Variants in INPP5K observed in about 807,000 individuals in gnomAD.
The protein encoded by INPP5K is inositol polyphosphate 5-phosphatase K.
Under a neutral mutation model 53.5 loss-of-function variants are expected in INPP5K, and 35 were observed. That is an observed-to-expected ratio of 0.65 (90% CI 0.50 to 0.87). The LOEUF is 0.87. Ranked by LOEUF, INPP5K falls within the 40% of genes least tolerant of loss-of-function variation. The probability of loss-of-function intolerance (pLI) is 0.00; values close to 1 mark genes in which losing one functional copy is unlikely to be tolerated. For missense variants in INPP5K, 550 were observed against 586.2 expected (o/e 0.94, Z 0.64); for synonymous variants, 253 against 232.8 (o/e 1.09, Z -0.79).
intron 11 of INPP5K, 68 bp downstream of exon 11, chr17:1,495,992 T>C (rs1598357007): frequency 7.1e-7 from 1 of 1,417,806 alleles, no homozygotes; most frequent in South Asian, 1.2e-5. Flanking sequence ...CTCCCAGGCC[T>C]GGGCCTCAGG....
intron 3 of INPP5K, 39 bp downstream of exon 3, chr17:1,513,414 A>G: frequency 1.3e-6 from 2 of 1,502,854 alleles, no homozygotes; most frequent in Non-Finnish European, 1.9e-6. Context: ...TGGAGATGTG[A>G]AAACACAGTT....
At position 1,513,433 on chromosome 17, in the gene INPP5K, C is replaced by T; in HGVS notation, c.261+20G>A. ...GATGTGAAAACACAGTTGTCAAGTG[C>T]CAATGAACTGGCAAGTTACCTTGAT... On this transcript the variant is annotated intron_variant, in intron 3 of 11. Coordinates refer to ENST00000421807, the MANE Select transcript of INPP5K (RefSeq NM_016532.4). 2 of 1,588,106 alleles carry T rather than the reference C, an allele frequency of 1.3e-6. No individual in the cohort carries two copies. The highest frequency in any genetic ancestry group is 2.2e-5 in the South Asian group (2 of 90,548).
chr17:1,505,869 T>A (rs1039692693), intron 7 of INPP5K, among the ~76,000 whole-genome samples: 3 of 152,162 alleles, frequency 2.0e-5, no homozygotes, highest in African/African-American at 7.2e-5. Context: ...AAGGGGCTCT[T>A]CTTTTCTTCA....
chr17:1,508,364 C>T (rs2075215400), intron 5 of INPP5K, 138 bp from the exon 6 acceptor site: 2 of 699,036 alleles, frequency 2.9e-6, no homozygotes, highest in Admixed American at 2.1e-5. Flanking sequence ...CCAGGGCACG[C>T]GTGGGTCCTC....
At chr17:1,509,636 T>C (rs777767152) in intron 4 of INPP5K, 47 bp downstream of exon 4, 4 of 1,250,426 alleles carry the variant, frequency 3.2e-6, no homozygotes, top group Non-Finnish European at 4.7e-6. Context: ...GCTCCACAGT[T>C]CCCAGCCCTT....
chr17:1,506,721 G>C (rs1161995969), intron 7 of INPP5K, among the ~76,000 whole-genome samples: 1 of 152,008 alleles, frequency 6.6e-6, no homozygotes, highest in East Asian at 1.9e-4. Context: ...CCTCTCCTCT[G>C]GTTCTATCTG....
Position 1,509,068 on chromosome 17 carries a change from C to T in INPP5K, c.554+110G>A, listed in dbSNP as rs900544003. ...ACCCAGGCTCACTCGTGGGGGTCAGCGTGGGGCAGAGGGCGGGGAGCGGTC... is the reference window on the plus strand; with the variant it reads ...ACCCAGGCTCACTCGTGGGGGTCAGTGTGGGGCAGAGGGCGGGGAGCGGTC... On this transcript the variant is annotated intron_variant, in intron 5 of 11. Coordinates refer to ENST00000421807, the MANE Select transcript of INPP5K (RefSeq NM_016532.4). The T allele has an allele frequency of 1.3e-4, 110 of 821,976 alleles. 5 individuals are homozygous for T. The South Asian group carries it at 1.6e-3, about 12-fold the overall frequency. The allele number at this position is 821,976 out of a possible 1,614,324, so 50.9% of individuals were successfully genotyped here. A position where few individuals can be genotyped will look rare whatever the true frequency, so the allele number is the denominator to read the frequency against.
chr17:1,511,627 G>A (rs1467834056), intron 3 of INPP5K, among the ~76,000 whole-genome samples: 1 of 152,136 alleles, frequency 6.6e-6, no homozygotes, highest in African/African-American at 2.4e-5. Flanking sequence ...CTACAGGTGT[G>A]TCCTCAAGCC....
intron 7 of INPP5K, among the ~76,000 whole-genome samples, chr17:1,502,091 T>A (rs2075031987): frequency 6.7e-6 from 1 of 150,136 alleles, no homozygotes; most frequent in East Asian, 2.0e-4. Context: ...GGCTCACGCC[T>A]GTAATCCCAG....
At position 1,496,691 on chromosome 17, in the gene INPP5K, G is replaced by C; in HGVS notation, c.1076C>G (p.Pro359Arg). 6.2e-7 allele frequency: 1 copy of C among 1,614,150 alleles called. No homozygotes were observed. Among genetic ancestry groups the C allele is most frequent in the Non-Finnish European group, 8.5e-7 (1 of 1,180,018 alleles). ...YSSTSDFPSS[P>R]WDWIGLYKVG... is the part of the protein sequence containing the mutation. ...CTTGTACAGTCCAATCCAGTCCCAC[G>C]GGCTGCTGGGGAAGTCCGAGGTTGA... The change falls in exon 9 of 12, where the codon CCG becomes CGG. Residue 359 changes from proline (P) to arginine (R), a missense_variant. By Grantham distance (103) the Pro-to-Arg change is moderately radical. Transcript: ENST00000421807.
chr17:1,498,479 C>T (rs143282201), intron 7 of INPP5K, among the ~76,000 whole-genome samples: 93 of 152,264 alleles, frequency 6.1e-4, no homozygotes, highest in African/African-American at 2.2e-3. Context: ...GCTGGACACA[C>T]CTGAGCTTGT....
intron 1 of INPP5K, among the ~76,000 whole-genome samples, chr17:1,514,905 C>CTTTTTT (rs774754833): frequency 7.4e-6 from 1 of 134,490 alleles, no homozygotes; most frequent in African/African-American, 2.9e-5. Context: ...TTCAGCGAGA[C>CTTTTTT]TTTTTTTTTT....
At chr17:1,512,563 C>T (rs79239057) in intron 3 of INPP5K, among the ~76,000 whole-genome samples, 5,246 of 152,148 alleles carry the variant, frequency 0.034, 296 homozygotes, top group African/African-American at 0.12. Context: ...AGAGGGAATT[C>T]TGGTATTTCT....
chr17:1,512,493 C>G (rs955388798), intron 3 of INPP5K, among the ~76,000 whole-genome samples: 4 of 152,134 alleles, frequency 2.6e-5, no homozygotes, highest in Admixed American at 6.6e-5. Flanking sequence ...CTCAGTACCC[C>G]CAGGCAAACT....
chr17:1,510,248 G>A (rs34752069), intron 3 of INPP5K, among the ~76,000 whole-genome samples: 27,237 of 151,948 alleles, frequency 0.18, 3,010 homozygotes, highest in South Asian at 0.31. Flanking sequence ...ACGGAGTCTC[G>A]CTCTGTCGCC....
chr17:1,498,106 GCTTGCGTT>G lies in INPP5K; in HGVS notation c.785_792del (p.Lys262ThrfsTer80). Reference sequence around the variant, plus strand: ...CACAGGATGCGATCGGTCCATGCAGGCTTGCGTTTTTTCTCACTGCAGGGGCAGGGGGC... The same window carrying G: ...CACAGGATGCGATCGGTCCATGCAGGTTTTCTCACTGCAGGGGCAGGGGGC... On this transcript the variant is annotated frameshift_variant, in exon 8 of 12. Coordinates refer to ENST00000421807, the MANE Select transcript of INPP5K (RefSeq NM_016532.4). LOFTEE classifies it high-confidence loss of function. The G allele has an allele frequency of 6.2e-7, 1 of 1,604,122 alleles. No homozygotes were observed. Among genetic ancestry groups the G allele is most frequent in the Non-Finnish European group, 8.5e-7 (1 of 1,172,798 alleles).
At chr17:1,515,512 A>G in intron 1 of INPP5K, 4 of 985,430 alleles carry the variant, frequency 4.1e-6, no homozygotes, top group Non-Finnish European at 4.8e-6. Context: ...GGAGCTACAG[A>G]CCCTGCAGAG....
chr17:1,499,241 C>T (rs144532550), intron 7 of INPP5K, among the ~76,000 whole-genome samples: 1 of 152,296 alleles, frequency 6.6e-6, no homozygotes, highest in African/African-American at 2.4e-5. Context: ...AGGCCGCGCG[C>T]GGTGCTCACG....
chr17:1,508,748 G>A (rs940491036), intron 5 of INPP5K, among the ~76,000 whole-genome samples: 9 of 144,708 alleles, frequency 6.2e-5, no homozygotes, highest in African/African-American at 2.1e-4. Context: ...GGCAGAGGGC[G>A]GGGAACAGTC....
Sources: allele counts gnomAD v4.1 joint callset (sites outside exome capture counted in the v4.1 genomes callset), GRCh38; gene constraint gnomAD v4.1.1; transcripts MANE v1.5; gene names NCBI Gene and HGNC (gene_info 2026-07-23, HGNC 2026-07-21).